The following MYO7A variants were observed in gnomAD, a reference collection of about 807,000 sequenced individuals.
The protein encoded by MYO7A is myosin VIIA, also known as unconventional myosin-VIIa.
Under a neutral mutation model 263.8 loss-of-function variants are expected in MYO7A, and 210 were observed. The ratio of observed to expected loss-of-function variants is 0.80; its 90% CI spans 0.71 to 0.89. The LOEUF is 0.89. Among genes scored for constraint, MYO7A ranks in the 40% least tolerant of loss-of-function variants. MYO7A has a pLI of 0.00. For missense variants in MYO7A, 2,820 were observed against 2,968.3 expected (o/e 0.95, Z 1.16); for synonymous variants, 1,239 against 1,197.3 (o/e 1.03, Z -0.72).
intron 27 of MYO7A, among the ~76,000 whole-genome samples, chr11:77,187,947 G>C (rs1591403281): frequency 1.3e-5 from 2 of 152,212 alleles, no homozygotes; most frequent in Admixed American, 1.3e-4. Flanking sequence ...ACCTCACCGG[G>C]GTGGCCACAC....
At position 77,214,776 on chromosome 11, in the gene MYO7A, G is replaced by T; in HGVS notation, c.*80G>T. 8.3e-7 allele frequency: 1 copy of T among 1,208,358 alleles called. No individual in the cohort carries two copies. The highest frequency in any genetic ancestry group is 1.4e-5 in the South Asian group (1 of 72,164). 74.9% of individuals were successfully genotyped at this position (1,208,358 alleles called of 1,614,324 possible). ...AGGCCCATCAGCTACCCCTGCAGCT[G>T]GGGAAGACTTATGCCATCCCGGCAG... On this transcript the variant is annotated 3_prime_UTR_variant, in exon 49 of 49. Coordinates refer to ENST00000409709, the MANE Select transcript of MYO7A (RefSeq NM_000260.4).
intron 3 of MYO7A, among the ~76,000 whole-genome samples, chr11:77,145,210 G>A (rs917455236): frequency 5.9e-5 from 9 of 152,330 alleles, no homozygotes; most frequent in Admixed American, 5.9e-4. Context: ...AGGCAGTAGA[G>A]TGACAATGCC....
chr11:77,170,195 C>T (rs2135384302), intron 15 of MYO7A, among the ~76,000 whole-genome samples: 1 of 152,156 alleles, frequency 6.6e-6, no homozygotes, highest in Admixed American at 6.5e-5. Context: ...CTGTGATTTT[C>T]AGTGGTGTGG....
chr11:77,133,331 A>G (rs1488107832), intron 2 of MYO7A, among the ~76,000 whole-genome samples: 1 of 152,186 alleles, frequency 6.6e-6, no homozygotes, highest in African/African-American at 2.4e-5. Flanking sequence ...TCAGTATGTC[A>G]TGATTCCCAG....
intron 4 of MYO7A, among the ~76,000 whole-genome samples, chr11:77,152,494 C>T (rs1555057711): frequency 6.6e-6 from 1 of 152,336 alleles, no homozygotes; most frequent in South Asian, 2.1e-4. Flanking sequence ...CTTCTCCCTC[C>T]TCCCACCCCA....
At chr11:77,140,804 G>T (rs556229669) in intron 2 of MYO7A, among the ~76,000 whole-genome samples, 1 of 152,296 alleles carries the variant, frequency 6.6e-6, no homozygotes, top group Non-Finnish European at 1.5e-5. Flanking sequence ...TCTCTTCCAC[G>T]CCCAAGCCTC....
In MYO7A at chr11:77,211,888, A is replaced by G. The variant is rs74562591; in HGVS notation, c.6305A>G (p.Lys2102Arg). The G allele has an allele frequency of 6.2e-7, 1 of 1,613,960 alleles. No individual in the cohort carries two copies. Among genetic ancestry groups the G allele is most frequent in the Non-Finnish European group, 8.5e-7 (1 of 1,179,864 alleles). Residue 2102 changes from lysine to arginine, a missense_variant, in exon 46 of 49, where the codon AAG becomes AGG. Transcript: ENST00000409709. Reference protein sequence around the residue: ...SKEEAKLAFLKLIFKWPTFGS... With the variant: ...SKEEAKLAFLRLIFKWPTFGS... ...GAGGAGGCCAAGCTGGCCTTCCTGA[A>G]GCTCATCTTCAAGTGGCCCACCTTT... is the stretch of plus-strand genomic sequence containing the variant.
chr11:77,214,435 G>A (rs1387118825), intron 48 of MYO7A, among the ~76,000 whole-genome samples, 172 bp from the exon 49 acceptor site: 1 of 152,208 alleles, frequency 6.6e-6, no homozygotes, highest in East Asian at 1.9e-4. Flanking sequence ...TAGCCATCTG[G>A]CTGGATGAAT....
intron 2 of MYO7A, among the ~76,000 whole-genome samples, chr11:77,134,324 TC>T (rs1950852077): frequency 6.6e-6 from 1 of 152,210 alleles, no homozygotes; most frequent in Non-Finnish European, 1.5e-5. Flanking sequence ...GTTCTATCTC[TC>T]CCCCTTTATG....
Position 77,164,358 on chromosome 11 carries a change from G to T in MYO7A, c.1690+1370G>T, listed in dbSNP as rs1289610878. 2.6e-5 allele frequency among the ~76,000 whole-genome samples: 4 copies of T among 152,020 alleles called. No homozygotes were observed. In the South Asian group the frequency reaches 6.2e-4, roughly 24 times the overall value. On this transcript the variant is annotated intron_variant, in intron 14 of 48. Coordinates refer to ENST00000409709, the MANE Select transcript of MYO7A (RefSeq NM_000260.4). ...CAAGGGGTCCCATGCATAGTCAAAG[G>T]CCAATTAACCCATAAATATCTATAC...
chr11:77,173,539 C>A (rs1565386039), intron 16 of MYO7A, among the ~76,000 whole-genome samples: 1 of 152,186 alleles, frequency 6.6e-6, no homozygotes, highest in Non-Finnish European at 1.5e-5. Flanking sequence ...GGACTGGGGG[C>A]TCAGGGAGGT....
chr11:77,183,248 G>A (rs1165756234), intron 26 of MYO7A, 91 bp downstream of exon 26: 4 of 1,076,558 alleles, frequency 3.7e-6, no homozygotes, highest in Non-Finnish European at 5.6e-6. Flanking sequence ...GCCCACGGAA[G>A]CAGGAGCAGG....
intron 11 of MYO7A, 88 bp from the exon 12 acceptor site, chr11:77,160,880 AGGGCT>A: frequency 1.4e-6 from 2 of 1,446,842 alleles, no homozygotes; most frequent in South Asian, 2.5e-5. Context: ...GTTCCACACA[AGGGCT>A]GGAGCGACAC....
At chr11:77,164,560 C>T (rs1175184469) in intron 14 of MYO7A, among the ~76,000 whole-genome samples, 1 of 152,136 alleles carries the variant, frequency 6.6e-6, no homozygotes, top group East Asian at 1.9e-4. Context: ...GATTCCCTTA[C>T]AATATTGGAC....
intron 8 of MYO7A, 99 bp from the exon 9 acceptor site, chr11:77,158,178 G>T: frequency 1.4e-6 from 2 of 1,380,762 alleles, no homozygotes; most frequent in South Asian, 3.2e-5. Context: ...GGCCTGGCCT[G>T]TCAGGCAGAA....
chr11:77,166,648 T>C (rs1953577648), intron 15 of MYO7A, among the ~76,000 whole-genome samples: 2 of 152,200 alleles, frequency 1.3e-5, no homozygotes, highest in African/African-American at 4.8e-5. Context: ...GATTTTTTCC[T>C]GCTGGGTTGC....
chr11:77,159,618 TGG>T, intron 10 of MYO7A, 95 bp downstream of exon 10: 1 of 1,235,394 alleles, frequency 8.1e-7, no homozygotes, highest in Non-Finnish European at 1.2e-6. Flanking sequence ...ACCACATTGC[TGG>T]GACCCTCTGG....
At chr11:77,131,426 C>G (rs117372077) in intron 2 of MYO7A, among the ~76,000 whole-genome samples, 7,895 of 152,216 alleles carry the variant, frequency 0.052, 271 homozygotes, top group East Asian at 0.19. Flanking sequence ...GTGTGTGTGT[C>G]TGTGTGTGTG....
At chr11:77,139,806 T>G (rs1380623142) in intron 2 of MYO7A, among the ~76,000 whole-genome samples, 1 of 152,188 alleles carries the variant, frequency 6.6e-6, no homozygotes, top group Non-Finnish European at 1.5e-5. Flanking sequence ...TGTGGCCAGG[T>G]TCCTTTCTCT....
Sources: gnomAD v4.1 joint callset for allele counts (sites outside exome capture counted in the v4.1 genomes callset) on GRCh38, gnomAD v4.1.1 for gene constraint, MANE v1.5 for transcripts, NCBI Gene and HGNC (gene_info 2026-07-23, HGNC 2026-07-21) for gene names.